RND3: variants seen among roughly 807,000 people sequenced by gnomAD.
The protein encoded by RND3 is rho-related GTP-binding protein RhoE.
In RND3, 8 loss-of-function variants were observed where a neutral mutation model predicts 26.5. The observed-to-expected ratio is 0.30, with a 90% CI of 0.18 to 0.54. RND3 has a LOEUF of 0.54. Among genes scored for constraint, RND3 ranks in the 20% least tolerant of loss-of-function variants. RND3 has a pLI of 0.94. For missense variants in RND3, 207 were observed against 302.8 expected (o/e 0.68, Z 2.35); for synonymous variants, 113 against 113.0 (o/e 1.00, Z 0.00).
intron 3 of RND3, among the ~76,000 whole-genome samples, chr2:150,483,023 C>CG (rs1225885493): frequency 6.6e-6 from 1 of 151,038 alleles, no homozygotes; most frequent in Admixed American, 6.6e-5. Flanking sequence ...ATAGTGGATG[C>CG]GGGAAAAAAG....
intron 3 of RND3, 66 bp from the exon 4 acceptor site, chr2:150,475,050 T>G: frequency 2.1e-5 from 20 of 948,494 alleles, no homozygotes; most frequent in Non-Finnish European, 3.0e-5. Context: ...GCATTAACTC[T>G]ACCCTTTCCG....
intron 4 of RND3, 67 bp downstream of exon 4, chr2:150,474,808 A>G (rs1438183033): frequency 1.1e-6 from 1 of 925,972 alleles, no homozygotes; most frequent in Non-Finnish European, 1.8e-6. Flanking sequence ...GAGCTTCCCA[A>G]CAAACCCCAC....
chr2:150,484,227 CAG>C, intron 3 of RND3, among the ~76,000 whole-genome samples: 1 of 152,170 alleles, frequency 6.6e-6, no homozygotes, highest in East Asian at 1.9e-4. Flanking sequence ...GCTATGTGTG[CAG>C]AGTCTACGAA....
At chr2:150,480,056 T>A (rs1686244526) in intron 3 of RND3, among the ~76,000 whole-genome samples, 1 of 152,216 alleles carries the variant, frequency 6.6e-6, no homozygotes, top group Non-Finnish European at 1.5e-5. Flanking sequence ...AAACTCCTAA[T>A]CTTATTGAGG....
Position 150,486,833 on chromosome 2 carries a change from G to A in RND3, c.151-52C>T. On this transcript the variant is annotated intron_variant, in intron 2 of 5. Coordinates refer to ENST00000263895, the MANE Select transcript of RND3 (RefSeq NM_005168.5). The surrounding 1 kb of genome is among the most constrained non-coding windows in gnomAD (Gnocchi z 4.5). ...GAAGGAAAGAGGGCAAAGAGGTTAC[G>A]TTTAAACGCACGACACCCATTGAAC... The A allele has an allele frequency of 3.9e-6, 5 of 1,294,158 alleles. No homozygotes were observed. Among genetic ancestry groups the A allele is most frequent in the Non-Finnish European group, 5.6e-6 (5 of 888,236 alleles). The allele number at this position is 1,294,158 out of a possible 1,614,324, so 80.2% of individuals were successfully genotyped here.
Position 150,487,466 on chromosome 2 carries a change from A to AG in RND3, c.-38-12_-38-11insC, listed in dbSNP as rs766148031. ...GAACAGGAATTTTCTCTTAAGAAGAAAAAAAAAAATATATATATATATATA... is the reference window on the plus strand; with the variant it reads ...GAACAGGAATTTTCTCTTAAGAAGAAGAAAAAAAAATATATATATATATATA... On this transcript the variant is annotated splice_polypyrimidine_tract_variant and intron_variant, in intron 1 of 5. Transcript: ENST00000263895. 23 of 334,886 alleles carry AG rather than the reference A, an allele frequency of 6.9e-5. No homozygotes were observed. The highest frequency in any genetic ancestry group is 5.6e-4 in the South Asian group (6 of 10,668). 20.7% of individuals were successfully genotyped at this position (334,886 alleles called of 1,614,324 possible).
At chr2:150,480,820 T>C (rs1404010527) in intron 3 of RND3, among the ~76,000 whole-genome samples, 1 of 152,210 alleles carries the variant, frequency 6.6e-6, no homozygotes, top group Admixed American at 6.5e-5. Context: ...ATACAAACTA[T>C]CTGTTTTACC....
rs144926596 is a variant in RND3 at position 150,469,024 on chromosome 2, C to A, written c.*963G>T. ...CTTTGTATTTTTGGTAACTTAATTC[C>A]AGACAGCTTTACTCACAAACTGTGC... On this transcript the variant is annotated 3_prime_UTR_variant, in exon 6 of 6. Transcript: ENST00000263895. 1 of 152,630 alleles carries A rather than the reference C, an allele frequency of 6.6e-6. No individual in the cohort carries two copies. Among genetic ancestry groups the A allele is most frequent in the Admixed American group, 6.5e-5 (1 of 15,278 alleles). The allele number at this position is 152,630 out of a possible 1,614,324, so 9.5% of individuals were successfully genotyped here.
chr2:150,471,600 A>G, intron 5 of RND3, 27 bp downstream of exon 5: 1 of 1,553,418 alleles, frequency 6.4e-7, no homozygotes, highest in Non-Finnish European at 8.7e-7. Context: ...TCTAAAATCC[A>G]GTTTTGCACA....
chr2:150,473,129 T>C (rs535616067), intron 4 of RND3, among the ~76,000 whole-genome samples: 2 of 143,988 alleles, frequency 1.4e-5, no homozygotes, highest in South Asian at 2.2e-4. Context: ...GCATTAGAAG[T>C]GGAAGGTGAA....
intron 5 of RND3, among the ~76,000 whole-genome samples, chr2:150,470,912 C>T (rs1013333975): frequency 1.3e-5 from 2 of 152,086 alleles, no homozygotes; most frequent in Admixed American, 6.5e-5. Flanking sequence ...GTGATTGTGT[C>T]TTACTTAGGG....
chr2:150,468,870 G>A lies in RND3; in HGVS notation c.*1117C>T, dbSNP rs1686035627. 6.6e-6 allele frequency: 1 copy of A among 152,458 alleles called. No homozygotes were observed. The highest frequency in any genetic ancestry group is 1.5e-5 in the Non-Finnish European group (1 of 67,998). 9.4% of individuals were successfully genotyped at this position (152,458 alleles called of 1,614,324 possible). On this transcript the variant is annotated 3_prime_UTR_variant, in exon 6 of 6. Coordinates refer to ENST00000263895, the MANE Select transcript of RND3 (RefSeq NM_005168.5). ...AGTTTATCATATAATCTTCCACTAG[G>A]GATTCTCTAAAGCTTGGGTAAGTGG...
At chr2:150,480,719 T>C (rs1338858522) in intron 3 of RND3, among the ~76,000 whole-genome samples, 2 of 152,192 alleles carry the variant, frequency 1.3e-5, no homozygotes, top group South Asian at 2.1e-4. Flanking sequence ...CCCCCTCCCC[T>C]TTTTAGGAGG....
In RND3 at chr2:150,486,617, G is replaced by C. The variant is rs1283497451; in HGVS notation, c.238+77C>G. 3.9e-6 allele frequency: 4 copies of C among 1,016,984 alleles called. No homozygotes were observed. The highest frequency in any genetic ancestry group is 6.3e-6 in the Non-Finnish European group (4 of 635,570). 63.0% of individuals were successfully genotyped at this position (1,016,984 alleles called of 1,614,324 possible). ...GGGGCGCAGACGGCTTGTAGCGCGC[G>C]GTTTCCCGAGACCCGCCGCGCATCC... On this transcript the variant is annotated intron_variant, in intron 3 of 5. Coordinates refer to ENST00000263895, the MANE Select transcript of RND3 (RefSeq NM_005168.5). This position sits in a 1 kb window ranked among gnomAD's most constrained non-coding sequence, Gnocchi z 4.5.
chr2:150,485,676 G>C (rs1053785484), intron 3 of RND3, among the ~76,000 whole-genome samples: 1 of 152,228 alleles, frequency 6.6e-6, no homozygotes, highest in East Asian at 1.9e-4. Context: ...TTAGGGCGGC[G>C]GGTGCCTATG....
chr2:150,482,706 T>C (rs1353526671), intron 3 of RND3, among the ~76,000 whole-genome samples: 7 of 95,160 alleles, frequency 7.4e-5, no homozygotes, highest in Non-Finnish European at 9.8e-5. Flanking sequence ...TTGCTTTAAC[T>C]GGTGTGTGCA....
At chr2:150,487,203 C>A in intron 2 of RND3, 65 bp downstream of exon 2, 1 of 1,226,570 alleles carries the variant, frequency 8.2e-7, no homozygotes, top group Non-Finnish European at 1.1e-6. Context: ...AGCGGGGAGG[C>A]CCACCTCGGG....
chr2:150,485,677 G>C (rs2105224336), intron 3 of RND3, among the ~76,000 whole-genome samples: 1 of 152,226 alleles, frequency 6.6e-6, no homozygotes, highest in African/African-American at 2.4e-5. Flanking sequence ...TAGGGCGGCG[G>C]GTGCCTATGT....
Position 150,486,253 on chromosome 2 carries a change from C to T in RND3, c.238+441G>A, listed in dbSNP as rs534152677. Among the ~76,000 whole-genome samples, 2 of 152,006 alleles carry T rather than the reference C, an allele frequency of 1.3e-5. No homozygotes were observed. Among genetic ancestry groups the T allele is most frequent in the East Asian group, 2.0e-4 (1 of 5,092 alleles). On this transcript the variant is annotated intron_variant, in intron 3 of 5. Transcript: ENST00000263895. This position sits in a 1 kb window ranked among gnomAD's most constrained non-coding sequence, Gnocchi z 4.5. ...CGTCGCCTCTGGGATTTTCTCCCGC[C>T]TCCCATCACCCCCGCGGCGCTCCCC...
Sources: gnomAD v4.1 joint callset for allele counts (sites outside exome capture counted in the v4.1 genomes callset) on GRCh38, gnomAD v4.1.1 for gene constraint, Gnocchi (gnomAD v3.1) non-coding constraint, MANE v1.5 for transcripts, NCBI Gene and HGNC (gene_info 2026-07-23, HGNC 2026-07-21) for gene names.